The following DLG2 variants were observed in gnomAD, a reference collection of about 807,000 sequenced individuals.
DLG2 encodes the protein disks large homolog 2.
In DLG2, 45 loss-of-function variants were observed where a neutral mutation model predicts 132.5. The observed-to-expected ratio is 0.34, with a 90% CI of 0.27 to 0.44. The LOEUF is 0.44. Among genes scored for constraint, DLG2 ranks in the 20% least tolerant of loss-of-function variants. DLG2 has a pLI of 1.00. For missense variants in DLG2, 1,045 were observed against 1,196.9 expected (o/e 0.87, Z 1.87); for synonymous variants, 424 against 419.6 (o/e 1.01, Z -0.13).
intron 6 of DLG2, among the ~76,000 whole-genome samples, chr11:84,982,834 C>T (rs913393088): frequency 6.6e-6 from 1 of 151,906 alleles, no homozygotes. Flanking sequence ...ACAACAAACA[C>T]ATGATCAGAT....
intron 15 of DLG2, among the ~76,000 whole-genome samples, chr11:83,900,222 G>GC (rs1399894551): frequency 6.6e-6 from 1 of 152,162 alleles, no homozygotes; most frequent in African/African-American, 2.4e-5. Context: ...AAGGGAAGCA[G>GC]AGCATAAAAG....
intron 11 of DLG2, among the ~76,000 whole-genome samples, chr11:84,048,255 A>G (rs2096279786): frequency 6.6e-6 from 1 of 151,618 alleles, no homozygotes; most frequent in South Asian, 2.1e-4. Flanking sequence ...TTTAAGACAA[A>G]TAGTTCACCA....
At chr11:84,134,517 T>C (rs2094530884) in intron 9 of DLG2, among the ~76,000 whole-genome samples, 1 of 152,100 alleles carries the variant, frequency 6.6e-6, no homozygotes, top group South Asian at 2.1e-4. Context: ...TCTTATCTTC[T>C]GAACACCCAA....
At chr11:84,583,181 T>A (rs1400185081) in intron 6 of DLG2, among the ~76,000 whole-genome samples, 2 of 152,246 alleles carry the variant, frequency 1.3e-5, no homozygotes, top group Admixed American at 1.3e-4. Context: ...CCAGCTAAGA[T>A]AAGATTGTTC....
chr11:84,231,664 T>C (rs977407127), intron 8 of DLG2, among the ~76,000 whole-genome samples: 1 of 152,190 alleles, frequency 6.6e-6, no homozygotes, highest in Non-Finnish European at 1.5e-5. Context: ...GTAAAAACTC[T>C]GAAATATCAT....
rs1290314534 is a variant in DLG2, at chr11:83,969,144, A to G, written c.1057-3676T>C. On this transcript the variant is annotated intron_variant, in intron 12 of 27. Transcript: ENST00000376104. ...AGATGAGAAAAACTGTTTTTTAAAGAGATTAACTTGCAACAAAGAGGTCAC... is the reference window on the plus strand; with the variant it reads ...AGATGAGAAAAACTGTTTTTTAAAGGGATTAACTTGCAACAAAGAGGTCAC... 2.0e-5 allele frequency among the ~76,000 whole-genome samples: 3 copies of G among 152,152 alleles called. No homozygotes were observed. In the East Asian group the frequency reaches 5.8e-4, roughly 29 times the overall value.
intron 6 of DLG2, among the ~76,000 whole-genome samples, chr11:84,751,469 C>CA (rs34269009): frequency 6.6e-5 from 10 of 151,154 alleles, no homozygotes; most frequent in South Asian, 2.1e-4. Context: ...AGGTACAAAC[C>CA]AAAAAAAAGT....
intron 17 of DLG2, among the ~76,000 whole-genome samples, chr11:83,828,604 A>G (rs1490885860): frequency 6.6e-6 from 1 of 152,194 alleles, no homozygotes; most frequent in Non-Finnish European, 1.5e-5. Flanking sequence ...GCAACCTATT[A>G]CAATCCTGCT....
In DLG2 at chr11:84,934,504, GTTTTTTTTTTGTTTTGTTTTGTTTTT is replaced by G. The variant is rs1467560488; in HGVS notation, c.357+177131_357+177156del. Among the ~76,000 whole-genome samples, 15 of 33,886 alleles carry G rather than the reference GTTTTTTTTTTGTTTTGTTTTGTTTTT, an allele frequency of 4.4e-4. 1 individual carries two copies. In the East Asian group the frequency reaches 9.3e-3, roughly 21 times the overall value. The allele number at this position is 33,886 out of a possible 152,430, so 22.2% of individuals were successfully genotyped here. ...TCTGTGAATCTGTATGGTCCTGGGT[GTTTTTTTTTTGTTTTGTTTTGTTTTT>G]TTTTTTTTTTTTTTTTGGTGGGTAG... On this transcript the variant is annotated intron_variant, in intron 6 of 27. Transcript: ENST00000376104.
At chr11:85,253,611 C>T (rs973697855) in intron 4 of DLG2, among the ~76,000 whole-genome samples, 3 of 152,148 alleles carry the variant, frequency 2.0e-5, no homozygotes, top group Non-Finnish European at 4.4e-5. Context: ...TTACAGTACT[C>T]TTTTAGCTCT....
intron 6 of DLG2, among the ~76,000 whole-genome samples, chr11:84,765,160 GACC>G (rs1452111797): frequency 3.9e-5 from 6 of 152,028 alleles, no homozygotes; most frequent in Non-Finnish European, 5.9e-5. Flanking sequence ...CAACAAACTT[GACC>G]ACTAGGTTTT....
intron 8 of DLG2, among the ~76,000 whole-genome samples, chr11:84,191,147 G>A (rs2096400378): frequency 2.0e-5 from 3 of 152,150 alleles, no homozygotes; most frequent in Admixed American, 2.0e-4. Context: ...TCTGGAGAAA[G>A]TCAGATTTTT....
At chr11:83,545,215 C>A (rs1167894881) in intron 19 of DLG2, among the ~76,000 whole-genome samples, 1 of 152,110 alleles carries the variant, frequency 6.6e-6, no homozygotes, top group Non-Finnish European at 1.5e-5. Context: ...CCCCTCTGGG[C>A]CTCAGATTTT....
At chr11:84,672,388 A>G (rs1490902612) in intron 6 of DLG2, among the ~76,000 whole-genome samples, 1 of 152,160 alleles carries the variant, frequency 6.6e-6, no homozygotes, top group Non-Finnish European at 1.5e-5. Flanking sequence ...ACACAGGTAC[A>G]GAGACAGAGA....
intron 15 of DLG2, among the ~76,000 whole-genome samples, chr11:83,925,592 G>A (rs1176345618): frequency 2.0e-5 from 3 of 151,870 alleles, no homozygotes; most frequent in African/African-American, 7.3e-5. Flanking sequence ...GTAACTAGTT[G>A]AAGTCCCATG....
chr11:84,513,402 T>A (rs575273111), intron 7 of DLG2, among the ~76,000 whole-genome samples: 6 of 151,200 alleles, frequency 4.0e-5, no homozygotes, highest in Admixed American at 2.6e-4. Flanking sequence ...TAAAGAAAAA[T>A]AACTGGAGGA....
intron 21 of DLG2, among the ~76,000 whole-genome samples, chr11:83,509,232 C>G (rs1450133267): frequency 6.6e-6 from 1 of 152,236 alleles, no homozygotes; most frequent in Non-Finnish European, 1.5e-5. Flanking sequence ...ATTCAAATCA[C>G]TGGCCATCTG....
chr11:84,422,076 C>T (rs1176770222), intron 7 of DLG2, among the ~76,000 whole-genome samples: 1 of 152,180 alleles, frequency 6.6e-6, no homozygotes, highest in East Asian at 1.9e-4. Context: ...ATCTCTCCCT[C>T]ACTAGGCGCT....
chr11:83,959,915 C>T (rs1362293172), intron 14 of DLG2, among the ~76,000 whole-genome samples: 1 of 151,852 alleles, frequency 6.6e-6, no homozygotes, highest in Non-Finnish European at 1.5e-5. Context: ...TTATTGTTAA[C>T]GGTGAATAGT....
Sources: gnomAD v4.1 joint callset for allele counts (sites outside exome capture counted in the v4.1 genomes callset) on GRCh38, gnomAD v4.1.1 for gene constraint, MANE v1.5 for transcripts, NCBI Gene and HGNC (gene_info 2026-07-23, HGNC 2026-07-21) for gene names.